The following HDHD2 variants were observed in gnomAD, a reference collection of about 807,000 sequenced individuals.
The protein encoded by HDHD2 is haloacid dehalogenase-like hydrolase domain-containing protein 2.
HDHD2 carries 26 observed loss-of-function variants against 24.8 expected under a neutral mutation model. The ratio of observed to expected loss-of-function variants is 1.05; its 90% CI spans 0.77 to 1.45. HDHD2 has a LOEUF of 1.45. HDHD2 is among the 40% of genes most tolerant of loss of function. The pLI, the probability that HDHD2 is intolerant of heterozygous loss-of-function variation, is 0.00. For missense variants in HDHD2, 299 were observed against 313.4 expected, an observed-to-expected ratio of 0.95 and a Z score of 0.35; for synonymous variants, 128 against 114.9, an observed-to-expected ratio of 1.11 and a Z score of -0.73.
intron 4 of HDHD2, among the ~76,000 whole-genome samples, chr18:47,129,498 T>C (rs2063691494): frequency 6.6e-6 from 1 of 152,122 alleles, no homozygotes; most frequent in Non-Finnish European, 1.5e-5. Flanking sequence ...TATCCTTGAC[T>C]CACTCTTCTA....
At chr18:47,137,063 G>A (rs1272572689) in intron 1 of HDHD2, 8 of 726,628 alleles carry the variant, frequency 1.1e-5, no homozygotes, top group South Asian at 6.8e-5. Context: ...TGAGAACAAC[G>A]ATCATATTAA....
At chr18:47,128,631 G>A (rs1465369842) in intron 4 of HDHD2, among the ~76,000 whole-genome samples, 3 of 152,306 alleles carry the variant, frequency 2.0e-5, no homozygotes, top group Non-Finnish European at 2.9e-5. Context: ...TAGATACTGG[G>A]CAACTATAAA....
rs566214392 is a variant in HDHD2 at position 47,128,964 on chromosome 18, T to G, written c.395+1280A>C. Among the ~76,000 whole-genome samples the G allele has an allele frequency of 5.3e-5, 8 of 152,320 alleles. No individual in the cohort carries two copies. The South Asian group carries it at 1.7e-3, about 32-fold the overall frequency. Reference sequence around the variant, plus strand: ...CATAATGTATAAGTTAGAATGGTTCTTACAGATCCTTGCACTGGTAAGAAA... The same window carrying G: ...CATAATGTATAAGTTAGAATGGTTCGTACAGATCCTTGCACTGGTAAGAAA... On this transcript the variant is annotated intron_variant, in intron 4 of 6. Coordinates refer to ENST00000300605, the MANE Select transcript of HDHD2 (RefSeq NM_032124.5).
chr18:47,146,757 T>C (rs776512618), intron 1 of HDHD2, among the ~76,000 whole-genome samples: 1 of 152,076 alleles, frequency 6.6e-6, no homozygotes, highest in Non-Finnish European at 1.5e-5. Flanking sequence ...TACAGTATGG[T>C]TTCATATTAT....
At chr18:47,114,832 C>CTA (rs1318285527) in intron 5 of HDHD2, among the ~76,000 whole-genome samples, 1 of 151,208 alleles carries the variant, frequency 6.6e-6, no homozygotes, top group African/African-American at 2.4e-5. Context: ...GGCTTTTGAA[C>CTA]TATATATATA....
At chr18:47,133,722 G>A (rs2063735993) in intron 3 of HDHD2, among the ~76,000 whole-genome samples, 1 of 152,038 alleles carries the variant, frequency 6.6e-6, no homozygotes, top group African/African-American at 2.4e-5. Flanking sequence ...GCATTTCTCT[G>A]ATGGCCAGTG....
At chr18:47,121,201 C>T (rs1461420627) in intron 4 of HDHD2, among the ~76,000 whole-genome samples, 1 of 151,974 alleles carries the variant, frequency 6.6e-6, no homozygotes, top group East Asian at 1.9e-4. Context: ...ATAACCATTT[C>T]CCCTGAAGAT....
At chr18:47,109,952 A>C in intron 6 of HDHD2, 1 of 984,662 alleles carries the variant, frequency 1.0e-6, no homozygotes, top group Non-Finnish European at 1.2e-6. Flanking sequence ...ATCTTTTTAA[A>C]GAATGAATGG....
chr18:47,108,582 C>T lies in HDHD2; in HGVS notation c.*100G>A. 2 of 662,298 alleles carry T rather than the reference C, an allele frequency of 3.0e-6. No individual in the cohort carries two copies. Among genetic ancestry groups the T allele is most frequent in the Non-Finnish European group, 5.4e-6 (2 of 372,800 alleles). The allele number at this position is 662,298 out of a possible 1,614,324, so 41.0% of individuals were successfully genotyped here. ...CAAAAGAGGGTTAAAAAGCGATCAG[C>T]ACTGACTGGTGTCTACCGATGCTGG... On this transcript the variant is annotated 3_prime_UTR_variant, in exon 7 of 7. Coordinates refer to ENST00000300605, the MANE Select transcript of HDHD2 (RefSeq NM_032124.5).
intron 2 of HDHD2, among the ~76,000 whole-genome samples, chr18:47,135,820 T>C (rs2063760662): frequency 6.6e-6 from 1 of 152,228 alleles, no homozygotes; most frequent in African/African-American, 2.4e-5. Context: ...TGTTTAGTAT[T>C]GTGGTTGGTA....
chr18:47,118,777 G>A (rs1234230485), intron 4 of HDHD2, among the ~76,000 whole-genome samples: 1 of 152,152 alleles, frequency 6.6e-6, no homozygotes, highest in Non-Finnish European at 1.5e-5. Context: ...AGACCCAAAG[G>A]AACATCAAGT....
chr18:47,138,090 T>G (rs998207738), intron 1 of HDHD2, among the ~76,000 whole-genome samples: 1 of 140,306 alleles, frequency 7.1e-6, no homozygotes, highest in African/African-American at 2.7e-5. Context: ...GAGAATCACT[T>G]GAACCCGGGA....
chr18:47,113,187 C>A (rs2063529937), intron 5 of HDHD2, 147 bp from the exon 6 acceptor site: 3 of 699,528 alleles, frequency 4.3e-6, no homozygotes, highest in Non-Finnish European at 5.0e-6. Flanking sequence ...AAAGGTGAAT[C>A]CACATGTAAT....
chr18:47,130,020 G>C (rs1278247026), intron 4 of HDHD2, among the ~76,000 whole-genome samples: 1 of 152,150 alleles, frequency 6.6e-6, no homozygotes, highest in Non-Finnish European at 1.5e-5. Flanking sequence ...GCGACAGAGT[G>C]AGATGCCATC....
At position 47,115,873 on chromosome 18, in the gene HDHD2, G is replaced by T. The variant is rs376879002; in HGVS notation, c.396-525C>A. Among the ~76,000 whole-genome samples, 50 of 152,108 alleles carry T rather than the reference G, an allele frequency of 3.3e-4. No homozygotes were observed. The East Asian group carries it at 8.9e-3, about 27-fold the overall frequency. On this transcript the variant is annotated intron_variant, in intron 4 of 6. Coordinates refer to ENST00000300605, the MANE Select transcript of HDHD2 (RefSeq NM_032124.5). Reference sequence around the variant, plus strand: ...AGTGTTTTACAAAGAGTTTCTGCTTGCACTTTTACTTCTTTTACCTTTTGA... The same window carrying T: ...AGTGTTTTACAAAGAGTTTCTGCTTTCACTTTTACTTCTTTTACCTTTTGA...
intron 4 of HDHD2, among the ~76,000 whole-genome samples, chr18:47,126,604 T>C (rs759547255): frequency 2.0e-5 from 3 of 152,196 alleles, no homozygotes; most frequent in Non-Finnish European, 2.9e-5. Context: ...AAAGGCTTCA[T>C]CTATAAATTT....
In HDHD2 at chr18:47,110,919, CT is replaced by C. The variant is rs763693633; in HGVS notation, c.676+2057del. ...ATTGAGCATCTACCTTGTGCTACCCCTTTAGAAACAAAATTGCTCGAGATGA... is the reference window on the plus strand; with the variant it reads ...ATTGAGCATCTACCTTGTGCTACCCCTTAGAAACAAAATTGCTCGAGATGA... On this transcript the variant is annotated intron_variant, in intron 6 of 6. Coordinates refer to ENST00000300605, the MANE Select transcript of HDHD2 (RefSeq NM_032124.5). The C allele has an allele frequency of 3.5e-5, 34 of 984,894 alleles. No individual in the cohort carries two copies. In the Admixed American group the frequency reaches 4.3e-4, roughly 12 times the overall value. The allele number at this position is 984,894 out of a possible 1,614,324, so 61.0% of individuals were successfully genotyped here.
chr18:47,138,668 A>G (rs912938586), intron 1 of HDHD2, among the ~76,000 whole-genome samples: 1 of 152,238 alleles, frequency 6.6e-6, no homozygotes, highest in Non-Finnish European at 1.5e-5. Context: ...ATATAAATAT[A>G]CAAAATGATT....
At chr18:47,132,242 G>A (rs1408484833) in intron 3 of HDHD2, among the ~76,000 whole-genome samples, 4 of 152,062 alleles carry the variant, frequency 2.6e-5, no homozygotes, top group Non-Finnish European at 4.4e-5. Flanking sequence ...ATCCTATGCA[G>A]AGCACTCTTT....
Sources: allele counts gnomAD v4.1 joint callset (sites outside exome capture counted in the v4.1 genomes callset), GRCh38; gene constraint gnomAD v4.1.1; transcripts MANE v1.5; gene names NCBI Gene and HGNC (gene_info 2026-07-23, HGNC 2026-07-21).